FAM222B: variants seen among roughly 807,000 people sequenced by gnomAD.
The protein encoded by FAM222B is family with sequence similarity 222 member B.
In FAM222B, 12 loss-of-function variants were observed where a neutral mutation model predicts 38.0. That is an observed-to-expected ratio of 0.32 (90% CI 0.20 to 0.51). The LOEUF (loss-of-function observed/expected upper bound fraction) is 0.51. Among genes scored for constraint, FAM222B ranks in the 20% least tolerant of loss-of-function variants. The probability of loss-of-function intolerance (pLI) is 0.97; values close to 1 mark genes in which losing one functional copy is unlikely to be tolerated. For missense variants in FAM222B, 716 were observed against 754.2 expected (o/e 0.95, Z 0.59); for synonymous variants, 329 against 317.2 (o/e 1.04, Z -0.40).
At chr17:28,799,601 G>A (rs552174679) in intron 1 of FAM222B, among the ~76,000 whole-genome samples, 3 of 151,848 alleles carry the variant, frequency 2.0e-5, no homozygotes, top group East Asian at 1.9e-4. Flanking sequence ...GAGCCACCGC[G>A]CCCAGCCAAA....
intron 1 of FAM222B, among the ~76,000 whole-genome samples, chr17:28,831,957 AG>A (rs1027756085): frequency 3.3e-5 from 5 of 152,178 alleles, no homozygotes; most frequent in Non-Finnish European, 5.9e-5. Context: ...TGGGAGGCCG[AG>A]GAGGGCAGAT....
At chr17:28,773,815 T>G (rs1218293103) in intron 1 of FAM222B, among the ~76,000 whole-genome samples, 1 of 151,930 alleles carries the variant, frequency 6.6e-6, no homozygotes, top group African/African-American at 2.4e-5. Flanking sequence ...AAAAAAGAAT[T>G]CTGGGATCCA....
rs80111771 is a variant in FAM222B, at chr17:28,756,457, T to A, written c.*1813A>T. On this transcript the variant is annotated 3_prime_UTR_variant, in exon 3 of 3. Transcript: ENST00000581407. Reference sequence around the variant, plus strand: ...AGAGGTATTGGGGAGGAAAAAAAAATACAGCAAGAATATCTGCTTTGGAGA... The same window carrying A: ...AGAGGTATTGGGGAGGAAAAAAAAAAACAGCAAGAATATCTGCTTTGGAGA... 6.6e-6 allele frequency: 1 copy of A among 152,268 alleles called. No individual in the cohort carries two copies. Among genetic ancestry groups the A allele is most frequent in the East Asian group, 1.9e-4 (1 of 5,168 alleles). The allele number at this position is 152,268 out of a possible 1,614,324, so 9.4% of individuals were successfully genotyped here.
intron 2 of FAM222B, among the ~76,000 whole-genome samples, chr17:28,760,643 G>A (rs1034709623): frequency 9.2e-5 from 14 of 152,066 alleles, no homozygotes; most frequent in Non-Finnish European, 1.5e-5. Context: ...CATGTGGCTT[G>A]GGGGTAGGTT....
At chr17:28,785,275 T>C (rs2036353525) in intron 1 of FAM222B, among the ~76,000 whole-genome samples, 1 of 152,196 alleles carries the variant, frequency 6.6e-6, no homozygotes, top group Admixed American at 6.5e-5. Flanking sequence ...TTTAAAAGTG[T>C]TGAATTTAAA....
chr17:28,779,821 C>T (rs138167450), intron 1 of FAM222B, among the ~76,000 whole-genome samples: 55 of 152,112 alleles, frequency 3.6e-4, no homozygotes, highest in African/African-American at 1.3e-3. Flanking sequence ...AGCATACTTT[C>T]ATGAGAAAAA....
chr17:28,784,491 T>C (rs901762086), intron 1 of FAM222B, among the ~76,000 whole-genome samples: 5 of 36,050 alleles, frequency 1.4e-4, no homozygotes, highest in Admixed American at 4.1e-4. Context: ...TCCCCTCTCT[T>C]AAAAAAAAAA....
chr17:28,796,328 A>T (rs774180558), intron 1 of FAM222B, among the ~76,000 whole-genome samples: 7 of 152,232 alleles, frequency 4.6e-5, no homozygotes, highest in Non-Finnish European at 7.3e-5. Context: ...GTGGACAAAC[A>T]TGAAATTGCT....
intron 1 of FAM222B, among the ~76,000 whole-genome samples, chr17:28,770,106 T>C (rs1379031593): frequency 2.0e-5 from 3 of 152,124 alleles, no homozygotes; most frequent in Non-Finnish European, 4.4e-5. Context: ...TCCCTCACTT[T>C]TTACCACCAT....
chr17:28,764,027 T>C (rs773742595), intron 2 of FAM222B, among the ~76,000 whole-genome samples: 7 of 152,076 alleles, frequency 4.6e-5, no homozygotes, highest in Non-Finnish European at 8.8e-5. Flanking sequence ...CCAAGGACCT[T>C]TTATCAGCTA....
intron 1 of FAM222B, among the ~76,000 whole-genome samples, chr17:28,795,256 C>T (rs2036885360): frequency 6.6e-6 from 1 of 152,162 alleles, no homozygotes; most frequent in Non-Finnish European, 1.5e-5. Context: ...GCGATTCTCC[C>T]ACCTCAGCCT....
intron 1 of FAM222B, among the ~76,000 whole-genome samples, chr17:28,800,739 C>G (rs1597960557): frequency 6.6e-6 from 1 of 150,920 alleles, no homozygotes; most frequent in East Asian, 1.9e-4. Context: ...TAAATATAGG[C>G]CAAATATTAA....
intron 1 of FAM222B, among the ~76,000 whole-genome samples, chr17:28,826,790 C>T (rs1391895388): frequency 6.6e-6 from 1 of 151,668 alleles, no homozygotes; most frequent in East Asian, 1.9e-4. Flanking sequence ...ACTGCCAATG[C>T]TGAAAACATA....
chr17:28,823,053 C>T (rs1432476439), intron 1 of FAM222B, among the ~76,000 whole-genome samples: 1 of 149,512 alleles, frequency 6.7e-6, no homozygotes. Context: ...GAGACTCCAT[C>T]TTGGGGGGAA....
intron 1 of FAM222B, among the ~76,000 whole-genome samples, chr17:28,831,141 C>T (rs1000566275): frequency 1.3e-5 from 2 of 151,886 alleles, no homozygotes; most frequent in African/African-American, 2.4e-5. Context: ...ACTACAGGTG[C>T]TCACCACCAT....
At chr17:28,793,146 G>A (rs2036780633) in intron 1 of FAM222B, among the ~76,000 whole-genome samples, 2 of 152,044 alleles carry the variant, frequency 1.3e-5, no homozygotes, top group African/African-American at 4.8e-5. Context: ...ATGTTGCCCA[G>A]GCTGGTCTTG....
chr17:28,830,990 C>CTTTTTTTTTTTTT (rs56073818), intron 1 of FAM222B, among the ~76,000 whole-genome samples: 1 of 117,810 alleles, frequency 8.5e-6, no homozygotes. Flanking sequence ...GTGAATGTTT[C>CTTTTTTTTTTTTT]TTTTTTTTTT....
chr17:28,853,320 C>T (rs2039196301), intron 1 of FAM222B, among the ~76,000 whole-genome samples: 1 of 151,864 alleles, frequency 6.6e-6, no homozygotes. Context: ...GCCATGATTG[C>T]ACCACTGCAC....
At chr17:28,788,092 G>C (rs1282605043) in intron 1 of FAM222B, among the ~76,000 whole-genome samples, 1 of 152,076 alleles carries the variant, frequency 6.6e-6, no homozygotes, top group Non-Finnish European at 1.5e-5. Context: ...CCAAAGTGCT[G>C]GGATTACAGG....
Sources: allele counts gnomAD v4.1 joint callset (sites outside exome capture counted in the v4.1 genomes callset), GRCh38; gene constraint gnomAD v4.1.1; transcripts MANE v1.5; gene names NCBI Gene and HGNC (gene_info 2026-07-23, HGNC 2026-07-21).